The following APLF variants were observed in gnomAD, a reference collection of about 807,000 sequenced individuals.
APLF encodes aprataxin and PNK-like factor.
A neutral mutation model predicts 55.6 loss-of-function variants in APLF; 61 were observed. That is an observed-to-expected ratio of 1.10 (90% confidence interval 0.89 to 1.36). The LOEUF (loss-of-function observed/expected upper bound fraction) is 1.36. Ranked by LOEUF, APLF falls within the 40% of genes most tolerant of loss-of-function variation. The probability of loss-of-function intolerance (pLI) is 0.00; values close to 1 mark genes in which losing one functional copy is unlikely to be tolerated. For synonymous variants in APLF, 207 were observed against 214.8 expected (o/e 0.96, Z 0.32); for missense variants, 611 against 602.5 (o/e 1.01, Z -0.15).
At chr2:68,517,886 AAT>A (rs1200194031) in intron 5 of APLF, among the ~76,000 whole-genome samples, 1 of 144,600 alleles carries the variant, frequency 6.9e-6, no homozygotes, top group African/African-American at 2.5e-5. Flanking sequence ...ATATATCACT[AAT>A]ATGTGTTAAT....
intron 6 of APLF, among the ~76,000 whole-genome samples, chr2:68,532,515 T>C (rs1388576130): frequency 1.3e-5 from 2 of 152,222 alleles, no homozygotes; most frequent in Non-Finnish European, 2.9e-5. Flanking sequence ...CAGAGGAAAC[T>C]GAGGCCCAAG....
intron 8 of APLF, among the ~76,000 whole-genome samples, chr2:68,565,766 T>C (rs1304362383): frequency 6.6e-6 from 1 of 152,122 alleles, no homozygotes; most frequent in African/African-American, 2.4e-5. Context: ...ACTATACTTT[T>C]TTAAATGGTG....
At chr2:68,560,434 A>C (rs533142305) in intron 8 of APLF, among the ~76,000 whole-genome samples, 3 of 151,348 alleles carry the variant, frequency 2.0e-5, no homozygotes, top group Non-Finnish European at 4.4e-5. Flanking sequence ...ATTAGGGTCA[A>C]ATTTTCCATT....
At chr2:68,477,934 CAT>C (rs1437270526) in intron 1 of APLF, among the ~76,000 whole-genome samples, 1 of 151,574 alleles carries the variant, frequency 6.6e-6, no homozygotes, top group Non-Finnish European at 1.5e-5. Context: ...CCACCCTTGA[CAT>C]GTGGGATTGT....
chr2:68,501,806 T>C (rs1314849966), intron 2 of APLF, among the ~76,000 whole-genome samples: 1 of 152,204 alleles, frequency 6.6e-6, no homozygotes, highest in African/African-American at 2.4e-5. Flanking sequence ...CTGTGTTGTT[T>C]GCTTGAGAGA....
chr2:68,469,187 A>G (rs1405456240), intron 1 of APLF, among the ~76,000 whole-genome samples: 1 of 152,132 alleles, frequency 6.6e-6, no homozygotes, highest in Non-Finnish European at 1.5e-5. Context: ...ACTGGAAGGA[A>G]CTGTCTGGAG....
intron 1 of APLF, 32 bp from the exon 2 acceptor site, chr2:68,490,158 A>G (rs1349749730): frequency 7.9e-6 from 12 of 1,521,912 alleles, no homozygotes; most frequent in African/African-American, 1.4e-5. Context: ...GGAGGTGGCT[A>G]TTCTTAATCT....
intron 9 of APLF, among the ~76,000 whole-genome samples, chr2:68,573,800 A>T (rs1020689058): frequency 2.0e-5 from 3 of 151,966 alleles, no homozygotes; most frequent in Non-Finnish European, 2.9e-5. Context: ...AAACTGTGCT[A>T]TTTTAAAGAG....
At position 68,538,031 on chromosome 2, in the gene APLF, A is replaced by G. The variant is rs752579075; in HGVS notation, c.964A>G (p.Met322Val). Residue 322 changes from methionine to valine, a missense_variant, in exon 7 of 10, where the codon ATG becomes GTG. Coordinates refer to ENST00000303795, the MANE Select transcript of APLF (RefSeq NM_173545.3). ...AACACCACATAAAGAAGATGAGGCAATGAGCTGTTCTGAAAATTGTTCGAG... is the reference window on the plus strand; with the variant it reads ...AACACCACATAAAGAAGATGAGGCAGTGAGCTGTTCTGAAAATTGTTCGAG... ...KRTPHKEDEA[M>V]SCSENCSSAQ... 15 of 1,614,056 alleles carry G rather than the reference A, an allele frequency of 9.3e-6. No individual in the cohort carries two copies. The highest frequency in any genetic ancestry group is 1.3e-5 in the African/African-American group (1 of 74,932).
chr2:68,546,079 A>G (rs930998758), intron 8 of APLF, among the ~76,000 whole-genome samples: 1 of 152,140 alleles, frequency 6.6e-6, no homozygotes, highest in Non-Finnish European at 1.5e-5. Context: ...GTTTTCAATG[A>G]GAAGGCAAAG....
Position 68,577,848 on chromosome 2 carries a change from T to C in APLF, c.1362T>C (p.Asp454=). 6.2e-7 allele frequency: 1 copy of C among 1,613,380 alleles called. No individual in the cohort carries two copies. The highest frequency in any genetic ancestry group is 8.5e-7 in the Non-Finnish European group (1 of 1,179,562). Residue 454 remains aspartate (D), a synonymous_variant, in exon 10 of 10, where the codon GAT becomes GAC. Coordinates refer to ENST00000303795, the MANE Select transcript of APLF (RefSeq NM_173545.3). The stretch of plus-strand genomic sequence containing the variant: ...GAAATGTTTTAGATGAAGATAATGA[T>C]AATGTTGGGCAACCCAATGAGTATG... The part of the protein sequence containing the change: ...PVRNVLDEDN[D]NVGQPNEYDL...
At chr2:68,509,159 A>G (rs896713587) in intron 3 of APLF, among the ~76,000 whole-genome samples, 10 of 152,186 alleles carry the variant, frequency 6.6e-5, no homozygotes, top group Non-Finnish European at 1.2e-4. Flanking sequence ...ACATAGGCAT[A>G]AGCAAGGACT....
chr2:68,488,953 C>T (rs1482419404), intron 1 of APLF, among the ~76,000 whole-genome samples: 1 of 151,572 alleles, frequency 6.6e-6, no homozygotes, highest in African/African-American at 2.4e-5. Context: ...GCACATGTAC[C>T]CTAAAACTTA....
At chr2:68,485,094 C>T (rs1676092794) in intron 1 of APLF, among the ~76,000 whole-genome samples, 1 of 151,922 alleles carries the variant, frequency 6.6e-6, no homozygotes, top group African/African-American at 2.4e-5. Context: ...TTCTATATAG[C>T]TATATTCTGT....
rs192224090 is a variant in APLF at position 68,578,247 on chromosome 2, A to T, written c.*225A>T. 1 of 1,281,916 alleles carries T rather than the reference A, an allele frequency of 7.8e-7. No homozygotes were observed. The highest frequency in any genetic ancestry group is 3.7e-5 in the Admixed American group (1 of 27,124). The allele number at this position is 1,281,916 out of a possible 1,614,324, so 79.4% of individuals were successfully genotyped here. On this transcript the variant is annotated 3_prime_UTR_variant, in exon 10 of 10. Coordinates refer to ENST00000303795, the MANE Select transcript of APLF (RefSeq NM_173545.3). The stretch of plus-strand genomic sequence containing the variant: ...TTCTTTCCTACTTAAAGCATCTGGA[A>T]ATAGGAAGACAGAGAAGGTAGAGTA...
chr2:68,503,802 C>T (rs1341967573), intron 3 of APLF, among the ~76,000 whole-genome samples: 1 of 151,216 alleles, frequency 6.6e-6, no homozygotes, highest in Admixed American at 6.6e-5. Context: ...GGAGGATAGA[C>T]AAAAAGCAAA....
intron 1 of APLF, among the ~76,000 whole-genome samples, chr2:68,482,349 A>T (rs1424368585): frequency 6.6e-6 from 1 of 152,102 alleles, no homozygotes; most frequent in African/African-American, 2.4e-5. Context: ...CAGTTTCCTC[A>T]GCTGTAACCC....
intron 3 of APLF, among the ~76,000 whole-genome samples, chr2:68,506,661 G>A (rs1356216242): frequency 6.6e-6 from 1 of 151,998 alleles, no homozygotes; most frequent in Non-Finnish European, 1.5e-5. Flanking sequence ...ACATGGCAGA[G>A]GTGGGATCCA....
chr2:68,477,922 T>G (rs1675828739), intron 1 of APLF, among the ~76,000 whole-genome samples: 2 of 151,790 alleles, frequency 1.3e-5, no homozygotes. Context: ...CTCCACCTAG[T>G]CCCACCCTTG....
Sources: allele counts gnomAD v4.1 joint callset (sites outside exome capture counted in the v4.1 genomes callset), GRCh38; gene constraint gnomAD v4.1.1; transcripts MANE v1.5; gene names NCBI Gene and HGNC (gene_info 2026-07-23, HGNC 2026-07-21).